The following CCDC88C variants were observed in gnomAD, a reference collection of about 807,000 sequenced individuals.
The protein encoded by CCDC88C is protein Daple.
In CCDC88C, 131 loss-of-function variants were observed where a neutral mutation model predicts 198.8. That is an observed-to-expected ratio of 0.66 (90% CI 0.57 to 0.76). The LOEUF (loss-of-function observed/expected upper bound fraction) is 0.76, where lower values mean the gene tolerates loss of function less well. Among genes scored for constraint, CCDC88C ranks in the 30% least tolerant of loss-of-function variants. CCDC88C has a pLI of 0.00. For missense variants in CCDC88C, 2,553 were observed against 2,631.6 expected, an observed-to-expected ratio of 0.97 and a Z score of 0.65; for synonymous variants, 1,166 against 1,114.7, an observed-to-expected ratio of 1.05 and a Z score of -0.92.
chr14:91,290,905 G>A, intron 24 of CCDC88C, 90 bp downstream of exon 24: 1 of 759,070 alleles, frequency 1.3e-6, no homozygotes, highest in South Asian at 1.5e-5. Flanking sequence ...GATGGTGCGG[G>A]GCCTGCCCTA....
At position 91,381,050 on chromosome 14, in the gene CCDC88C, C is replaced by G. The variant is rs1884761818; in HGVS notation, c.271-21339G>C. On this transcript the variant is annotated intron_variant, in intron 3 of 29. Transcript: ENST00000389857. This position sits in a 1 kb window ranked among gnomAD's most constrained non-coding sequence, Gnocchi z 4.2. ...CAAGAAAAATGGACCACAAACAGGGCTGTGAAGCAGTGTGTGCCCTGGTCC... is the reference window on the plus strand; with the variant it reads ...CAAGAAAAATGGACCACAAACAGGGGTGTGAAGCAGTGTGTGCCCTGGTCC... 6.6e-6 allele frequency among the ~76,000 whole-genome samples: 1 copy of G among 152,230 alleles called. No homozygotes were observed. The highest frequency in any genetic ancestry group is 6.5e-5 in the Admixed American group (1 of 15,286).
chr14:91,347,033 G>A (rs1343025849), intron 4 of CCDC88C, among the ~76,000 whole-genome samples: 1 of 152,070 alleles, frequency 6.6e-6, no homozygotes, highest in African/African-American at 2.4e-5. Context: ...CAGATCACTG[G>A]CAAGTGCTCA....
chr14:91,330,923 G>A (rs1379709389), intron 10 of CCDC88C, among the ~76,000 whole-genome samples: 1 of 152,082 alleles, frequency 6.6e-6, no homozygotes, highest in Non-Finnish European at 1.5e-5. Flanking sequence ...AGAAGCAGAG[G>A]GCAAGGGGTG....
intron 3 of CCDC88C, among the ~76,000 whole-genome samples, chr14:91,405,955 G>A (rs924533087): frequency 2.0e-5 from 3 of 152,214 alleles, no homozygotes; most frequent in Non-Finnish European, 4.4e-5. Flanking sequence ...GAGCTGGGCC[G>A]AGACTGCCAG....
chr14:91,404,050 G>A (rs1277325063), intron 3 of CCDC88C, among the ~76,000 whole-genome samples: 1 of 152,274 alleles, frequency 6.6e-6, no homozygotes, highest in Non-Finnish European at 1.5e-5. Flanking sequence ...GCAGCGTGGG[G>A]CTCTGGCCCA....
At chr14:91,355,366 G>A (rs570400466) in intron 4 of CCDC88C, among the ~76,000 whole-genome samples, 1 of 152,334 alleles carries the variant, frequency 6.6e-6, no homozygotes, top group African/African-American at 2.4e-5. Context: ...CCTCACTATG[G>A]GGGCAGGCTC....
chr14:91,312,186 C>G (rs1891858665), intron 15 of CCDC88C, among the ~76,000 whole-genome samples: 1 of 151,984 alleles, frequency 6.6e-6, no homozygotes, highest in East Asian at 1.9e-4. Context: ...GTCAAGAGTT[C>G]AAGACCAGCC....
rs1400206687 is a variant in CCDC88C at position 91,272,697 on chromosome 14, T to C, written c.6015A>G (p.Ser2005=). Residue 2005 remains serine, a synonymous_variant, in exon 30 of 30, where the codon TCA becomes TCG. Coordinates refer to ENST00000389857, the MANE Select transcript of CCDC88C (RefSeq NM_001080414.4). ...ALEDCSRGSV[S]KSSPASPEPG... is the part of the protein sequence containing the mutation. ...GCTCCGGGGAGGCCGGACTGCTCTT[T>C]GAGACGCTCCCTCGACTGCAGTCCT... 6.2e-7 allele frequency: 1 copy of C among 1,611,496 alleles called. No homozygotes were observed. The highest frequency in any genetic ancestry group is 8.5e-7 in the Non-Finnish European group (1 of 1,179,836).
intron 25 of CCDC88C, among the ~76,000 whole-genome samples, chr14:91,287,308 C>T (rs763218988): frequency 6.6e-6 from 1 of 152,108 alleles, no homozygotes; most frequent in East Asian, 1.9e-4. Context: ...CTAATCTTAT[C>T]CCCATAAAGA....
chr14:91,365,514 T>C (rs914503891), intron 3 of CCDC88C, among the ~76,000 whole-genome samples: 3 of 152,232 alleles, frequency 2.0e-5, no homozygotes, highest in African/African-American at 7.2e-5. Context: ...AGCCAGTCTC[T>C]ATCTGGGACT....
chr14:91,376,142 C>T, intron 3 of CCDC88C, among the ~76,000 whole-genome samples: 1 of 123,690 alleles, frequency 8.1e-6, no homozygotes, highest in Middle Eastern at 3.8e-3. Flanking sequence ...ACACTTGTCA[C>T]TCCCGCTGCT....
intron 10 of CCDC88C, among the ~76,000 whole-genome samples, chr14:91,331,642 G>A (rs574899009): frequency 3.8e-4 from 58 of 152,308 alleles, no homozygotes; most frequent in Middle Eastern, 6.8e-3. Context: ...TGTCCCTCTG[G>A]CTGACCCCTC....
intron 17 of CCDC88C, among the ~76,000 whole-genome samples, chr14:91,307,800 G>A (rs748790015): frequency 2.0e-5 from 3 of 152,196 alleles, no homozygotes; most frequent in Non-Finnish European, 2.9e-5. Context: ...GTGCACACAC[G>A]TGGTGGGCAC....
chr14:91,383,174 G>C (rs150350795), intron 3 of CCDC88C, among the ~76,000 whole-genome samples: 1 of 152,224 alleles, frequency 6.6e-6, no homozygotes, highest in African/African-American at 2.4e-5. Context: ...TAGACTTGGA[G>C]CTGGGGAAGC....
intron 23 of CCDC88C, 78 bp from the exon 24 acceptor site, chr14:91,291,162 G>T: frequency 1.2e-6 from 1 of 817,398 alleles, no homozygotes; most frequent in Non-Finnish European, 2.0e-6. Context: ...GCCCAGCCTG[G>T]AACCTGGTGT....
At chr14:91,417,492 C>T in intron 1 of CCDC88C, 139 bp downstream of exon 1, 1 of 672,562 alleles carries the variant, frequency 1.5e-6, no homozygotes, top group Non-Finnish European at 2.4e-6. Flanking sequence ...GCCCCAACCC[C>T]GGCCGGGAGC....
intron 3 of CCDC88C, among the ~76,000 whole-genome samples, chr14:91,388,702 GT>G (rs1885298754): frequency 6.6e-6 from 1 of 152,216 alleles, no homozygotes; most frequent in Admixed American, 6.5e-5. Context: ...ACTCAAACAC[GT>G]GACATTTCAA....
chr14:91,279,105 T>G lies in CCDC88C; in HGVS notation c.4768+133A>C. 10 of 719,636 alleles carry G rather than the reference T, an allele frequency of 1.4e-5. No individual in the cohort carries two copies. In the South Asian group the frequency reaches 1.6e-4, roughly 11 times the overall value. 44.6% of individuals were successfully genotyped at this position (719,636 alleles called of 1,614,324 possible). A position where few individuals can be genotyped will look rare whatever the true frequency, so the allele number is the denominator to read the frequency against. ...TTTAGAGATGGGGTTTCGCCATGTTTCCCAGGCTGGTTTCTAACTCCTGGG... is the reference window on the plus strand; with the variant it reads ...TTTAGAGATGGGGTTTCGCCATGTTGCCCAGGCTGGTTTCTAACTCCTGGG... On this transcript the variant is annotated intron_variant, in intron 28 of 29. Transcript: ENST00000389857.
At chr14:91,303,306 A>C (rs1567061999) in intron 20 of CCDC88C, among the ~76,000 whole-genome samples, 1 of 124,868 alleles carries the variant, frequency 8.0e-6, no homozygotes, top group African/African-American at 3.1e-5. Flanking sequence ...CTGAGACCCC[A>C]CCTCTGCTCC....
Sources: allele counts gnomAD v4.1 joint callset (sites outside exome capture counted in the v4.1 genomes callset), GRCh38; gene constraint gnomAD v4.1.1; non-coding constraint Gnocchi (gnomAD v3.1); transcripts MANE v1.5; gene names NCBI Gene and HGNC (gene_info 2026-07-23, HGNC 2026-07-21).